Variants in CAMSAP2 observed in about 807,000 individuals in gnomAD.
CAMSAP2 encodes calmodulin-regulated spectrin-associated protein 2.
Under a neutral mutation model 146.1 loss-of-function variants are expected in CAMSAP2, and 26 were observed. That is an observed-to-expected ratio of 0.18 (90% CI 0.13 to 0.25). The LOEUF is 0.25. Among genes scored for constraint, CAMSAP2 ranks in the 10% least tolerant of loss-of-function variants. The pLI is 1.00. For synonymous variants in CAMSAP2, 499 were observed against 596.6 expected (o/e 0.84, Z 2.38); for missense variants, 1,381 against 1,759.3 (o/e 0.78, Z 3.85).
At chr1:200,808,519 T>C (rs181344958) in intron 3 of CAMSAP2, among the ~76,000 whole-genome samples, 60 of 152,374 alleles carry the variant, frequency 3.9e-4, no homozygotes, top group African/African-American at 1.4e-3. Context: ...TACAGCTATC[T>C]TCATTATCCA....
chr1:200,832,882 T>TTCCCTTTAAA lies in CAMSAP2; in HGVS notation c.927+37_927+38insTCCCTTTAAA. ...TATTCTTTTTTTCCCTTTGCTTTGT[T>TTCCCTTTAAA]AAAATATGTTTTTTTAAAAAACAAA... is the stretch of plus-strand genomic sequence containing the variant. On this transcript the variant is annotated intron_variant, in intron 6 of 16. Transcript: ENST00000358823. This position sits in a 1 kb window ranked among gnomAD's most constrained non-coding sequence, Gnocchi z 4.2. 6.6e-7 allele frequency: 1 copy of TTCCCTTTAAA among 1,526,584 alleles called. No individual in the cohort carries two copies. The highest frequency in any genetic ancestry group is 2.4e-5 in the East Asian group (1 of 42,244). The allele number at this position is 1,526,584 out of a possible 1,614,324, so 94.6% of individuals were successfully genotyped here. A position where few individuals can be genotyped will look rare whatever the true frequency, so the allele number is the denominator to read the frequency against.
intron 4 of CAMSAP2, among the ~76,000 whole-genome samples, chr1:200,824,235 CTTTT>C (rs76100494): frequency 2.1e-5 from 3 of 141,166 alleles, no homozygotes; most frequent in African/African-American, 2.6e-5. Flanking sequence ...TCATCCATCT[CTTTT>C]TTTTTTTTTT....
intron 2 of CAMSAP2, among the ~76,000 whole-genome samples, chr1:200,777,950 T>C (rs1450449309): frequency 6.6e-6 from 1 of 152,028 alleles, no homozygotes; most frequent in Non-Finnish European, 1.5e-5. Context: ...AGAAAAAAAC[T>C]TGTGAGGCCA....
chr1:200,810,538 G>A (rs1017488493), intron 3 of CAMSAP2, among the ~76,000 whole-genome samples: 8 of 147,274 alleles, frequency 5.4e-5, no homozygotes, highest in African/African-American at 1.0e-4. Flanking sequence ...ATGGCGCCAC[G>A]GCACTCCAGC....
At position 200,847,690 on chromosome 1, in the gene CAMSAP2, A is replaced by T; in HGVS notation, c.1243A>T (p.Thr415Ser). ...SMSYVDGFIG[T>S]WPKEKRSSVH... ...GTCTTATGTTGATGGCTTCATAGGG[A>T]CATGGCCCAAAGAGAAAAGGTAAAC... Residue 415 changes from threonine (T) to serine (S), a missense_variant, in exon 10 of 17, where the codon ACA becomes TCA. By Grantham distance (58) the Thr-to-Ser change is moderately conservative. Around this residue, in one of 4 missense-constraint regions of CAMSAP2, gnomAD observed 447 missense variants for 462.2 expected, o/e 0.97. Coordinates refer to ENST00000358823, the MANE Select transcript of CAMSAP2 (RefSeq NM_203459.4). 1 of 1,612,146 alleles carries T rather than the reference A, an allele frequency of 6.2e-7. No homozygotes were observed. The highest frequency in any genetic ancestry group is 8.5e-7 in the Non-Finnish European group (1 of 1,178,680).
chr1:200,793,609 C>G (rs765972564), intron 2 of CAMSAP2, among the ~76,000 whole-genome samples: 11 of 152,104 alleles, frequency 7.2e-5, no homozygotes, highest in African/African-American at 2.7e-4. Flanking sequence ...GAGCTTAAAA[C>G]ACTTGTATCC....
At chr1:200,838,104 A>G (rs1361223637) in intron 6 of CAMSAP2, among the ~76,000 whole-genome samples, 2 of 152,184 alleles carry the variant, frequency 1.3e-5, no homozygotes, top group African/African-American at 4.8e-5. Context: ...TGAACTCAGA[A>G]AGACATAATC....
chr1:200,755,219 T>G (rs1325163369), intron 1 of CAMSAP2, among the ~76,000 whole-genome samples: 2 of 152,242 alleles, frequency 1.3e-5, no homozygotes, highest in Non-Finnish European at 2.9e-5. Context: ...GGCTTATTGC[T>G]AACAGTGTTA....
At chr1:200,851,540 C>G (rs374827919) in intron 11 of CAMSAP2, among the ~76,000 whole-genome samples, 1 of 152,132 alleles carries the variant, frequency 6.6e-6, no homozygotes, top group Non-Finnish European at 1.5e-5. Flanking sequence ...AAGTGTCTGG[C>G]AAACTACAAT....
chr1:200,850,189 A>G lies in CAMSAP2; in HGVS notation c.3420A>G (p.Glu1140=), dbSNP rs781055431. The G allele has an allele frequency of 6.9e-6, 11 of 1,602,566 alleles. No homozygotes were observed. The South Asian group carries it at 1.1e-4, about 16-fold the overall frequency. Residue 1140 remains glutamate (E), a synonymous_variant, in exon 11 of 17, where the codon GAA becomes GAG. Coordinates refer to ENST00000358823, the MANE Select transcript of CAMSAP2 (RefSeq NM_203459.4). ...VEKYDGESDK[E]QFDDDQKVCC... ...AATATGATGGAGAAAGTGATAAAGA[A>G]CAATTTGATGATGACCAGAAAGTAT... is the stretch of plus-strand genomic sequence containing the variant.
chr1:200,744,306 A>T (rs1468365256), intron 1 of CAMSAP2, among the ~76,000 whole-genome samples: 3 of 152,210 alleles, frequency 2.0e-5, no homozygotes, highest in Non-Finnish European at 4.4e-5. Flanking sequence ...TACATGGGAA[A>T]TGGTTTGAAT....
chr1:200,760,545 A>G (rs938788666), intron 1 of CAMSAP2, among the ~76,000 whole-genome samples: 3 of 152,202 alleles, frequency 2.0e-5, no homozygotes, highest in African/African-American at 4.8e-5. Flanking sequence ...AGATTTGACT[A>G]TGAATGTGGG....
chr1:200,795,614 G>T (rs1319522541), intron 2 of CAMSAP2, among the ~76,000 whole-genome samples: 1 of 152,076 alleles, frequency 6.6e-6, no homozygotes, highest in Non-Finnish European at 1.5e-5. Flanking sequence ...ATCTGTCTGG[G>T]CCTTGCGTTT....
chr1:200,752,427 CTT>C (rs913501153), intron 1 of CAMSAP2, among the ~76,000 whole-genome samples: 5 of 152,002 alleles, frequency 3.3e-5, no homozygotes, highest in South Asian at 2.1e-4. Flanking sequence ...AATTAACACT[CTT>C]ATATGTCTTT....
chr1:200,802,197 T>C (rs1407025944), intron 2 of CAMSAP2, among the ~76,000 whole-genome samples: 1 of 152,218 alleles, frequency 6.6e-6, no homozygotes, highest in Non-Finnish European at 1.5e-5. Flanking sequence ...AAAGTATTAT[T>C]ACATAATAAC....
At chr1:200,839,218 A>G (rs908758575) in intron 6 of CAMSAP2, among the ~76,000 whole-genome samples, 1 of 152,240 alleles carries the variant, frequency 6.6e-6, no homozygotes, top group African/African-American at 2.4e-5. Context: ...TGTTTGATTT[A>G]GCAACATATG....
chr1:200,742,242 G>A (rs1005046698), intron 1 of CAMSAP2, among the ~76,000 whole-genome samples: 9 of 152,160 alleles, frequency 5.9e-5, no homozygotes, highest in African/African-American at 2.2e-4. Flanking sequence ...TGTGAAAAAT[G>A]TGCACATAGT....
At chr1:200,756,811 C>A (rs952694315) in intron 1 of CAMSAP2, among the ~76,000 whole-genome samples, 5 of 152,066 alleles carry the variant, frequency 3.3e-5, no homozygotes, top group African/African-American at 1.2e-4. Context: ...TTTATTTATT[C>A]ATCAAATCTT....
At chr1:200,790,957 G>C (rs889832249) in intron 2 of CAMSAP2, among the ~76,000 whole-genome samples, 2 of 152,040 alleles carry the variant, frequency 1.3e-5, no homozygotes, top group African/African-American at 4.8e-5. Flanking sequence ...TGATTCTCCA[G>C]CCTCAGCCTC....
Sources: allele counts gnomAD v4.1 joint callset (sites outside exome capture counted in the v4.1 genomes callset), GRCh38; gene constraint gnomAD v4.1.1; regional missense constraint gnomAD v4.1.1; non-coding constraint Gnocchi (gnomAD v3.1); transcripts MANE v1.5; gene names NCBI Gene and HGNC (gene_info 2026-07-23, HGNC 2026-07-21).